The following C1orf21 variants were observed in gnomAD, a reference collection of about 807,000 sequenced individuals.
C1orf21 encodes uncharacterized protein C1orf21.
Under a neutral mutation model 18.7 loss-of-function variants are expected in C1orf21, and 3 were observed. The observed-to-expected ratio is 0.16, with a 90% CI of 0.07 to 0.42. The LOEUF (loss-of-function observed/expected upper bound fraction) is 0.42, where lower values mean the gene tolerates loss of function less well. C1orf21 is among the 10% of genes least tolerant of loss of function. C1orf21 has a pLI of 0.99. For missense variants in C1orf21, 104 were observed against 143.6 expected (o/e 0.72, Z 1.41); for synonymous variants, 41 against 46.4 (o/e 0.88, Z 0.47).
At chr1:184,438,246 A>T (rs894533373) in intron 1 of C1orf21, among the ~76,000 whole-genome samples, 1 of 152,152 alleles carries the variant, frequency 6.6e-6, no homozygotes, top group Non-Finnish European at 1.5e-5. Flanking sequence ...CTCAACTCCA[A>T]ACTCTGTGTT....
chr1:184,499,798 G>A (rs1269146822), intron 2 of C1orf21, among the ~76,000 whole-genome samples: 4 of 152,188 alleles, frequency 2.6e-5, no homozygotes, highest in Non-Finnish European at 5.9e-5. Flanking sequence ...GTAAAAGAGA[G>A]TCATGATACT....
chr1:184,417,359 C>T (rs184155989), intron 1 of C1orf21, among the ~76,000 whole-genome samples: 6 of 152,158 alleles, frequency 3.9e-5, no homozygotes, highest in Admixed American at 3.9e-4. Context: ...CACCCCTCCC[C>T]CAAAGACATC....
chr1:184,590,916 A>C (rs1282069592), intron 4 of C1orf21, 101 bp downstream of exon 4: 1 of 1,168,352 alleles, frequency 8.6e-7, no homozygotes. Context: ...TATTCAAAAA[A>C]TAATAATTCT....
At chr1:184,399,214 G>C (rs910232403) in intron 1 of C1orf21, among the ~76,000 whole-genome samples, 1 of 151,970 alleles carries the variant, frequency 6.6e-6, no homozygotes, top group Non-Finnish European at 1.5e-5. Context: ...CCTGTATCCT[G>C]ACTGCATCTT....
chr1:184,394,497 A>G lies in C1orf21; in HGVS notation c.-125+7129A>G, dbSNP rs535642710. Among the ~76,000 whole-genome samples, 4 of 152,354 alleles carry G rather than the reference A, an allele frequency of 2.6e-5. 1 individual carries two copies. In the Middle Eastern group the frequency reaches 0.014, roughly 518 times the overall value. On this transcript the variant is annotated intron_variant, in intron 1 of 5. Transcript: ENST00000235307. ...GGATGTACTCTCAACAAACCATGAC[A>G]TGCATGCATATCATAGCCATTCCTA...
At chr1:184,576,790 T>C (rs1659197475) in intron 3 of C1orf21, among the ~76,000 whole-genome samples, 1 of 152,194 alleles carries the variant, frequency 6.6e-6, no homozygotes, top group Admixed American at 6.5e-5. Context: ...CTCTTGTGAC[T>C]TTCCTGCTTA....
intron 1 of C1orf21, among the ~76,000 whole-genome samples, chr1:184,414,220 T>G (rs1656410353): frequency 6.6e-6 from 1 of 152,122 alleles, no homozygotes; most frequent in African/African-American, 2.4e-5. Context: ...TGGCCTCGAC[T>G]CCCAGGCTCA....
intron 1 of C1orf21, among the ~76,000 whole-genome samples, chr1:184,423,116 G>A (rs1656572298): frequency 6.6e-6 from 1 of 152,108 alleles, no homozygotes. Context: ...ATGTGTATCG[G>A]GATTTAACAG....
intron 3 of C1orf21, among the ~76,000 whole-genome samples, chr1:184,585,253 C>T (rs955453029): frequency 2.0e-5 from 3 of 152,078 alleles, no homozygotes; most frequent in Non-Finnish European, 4.4e-5. Context: ...TACTAAGAGG[C>T]TATTTGCTTT....
At chr1:184,388,912 T>C (rs1655928840) in intron 1 of C1orf21, among the ~76,000 whole-genome samples, 1 of 152,154 alleles carries the variant, frequency 6.6e-6, no homozygotes. Context: ...CTTTTTCATA[T>C]TGTCTAGAGC....
chr1:184,471,616 A>C (rs781756600), intron 1 of C1orf21, among the ~76,000 whole-genome samples: 1 of 152,144 alleles, frequency 6.6e-6, no homozygotes, highest in Non-Finnish European at 1.5e-5. Context: ...GCCCTCTCCA[A>C]CACTCTTTCC....
intron 3 of C1orf21, among the ~76,000 whole-genome samples, chr1:184,521,964 T>C (rs1658311958): frequency 6.6e-6 from 1 of 152,174 alleles, no homozygotes; most frequent in Admixed American, 6.5e-5. Context: ...ATTTTTACTA[T>C]GGAGGTAATA....
intron 1 of C1orf21, among the ~76,000 whole-genome samples, chr1:184,410,269 A>G (rs1656310922): frequency 6.6e-6 from 1 of 152,100 alleles, no homozygotes; most frequent in Non-Finnish European, 1.5e-5. Context: ...TCTTGACAGG[A>G]TTATGCTGAG....
chr1:184,392,601 A>T (rs1336066744), intron 1 of C1orf21, among the ~76,000 whole-genome samples: 2 of 152,152 alleles, frequency 1.3e-5, no homozygotes, highest in Admixed American at 1.3e-4. Flanking sequence ...TTTAAAAAAA[A>T]TAATAACTGA....
intron 3 of C1orf21, among the ~76,000 whole-genome samples, chr1:184,582,028 T>C (rs1333873435): frequency 6.6e-6 from 1 of 152,266 alleles, no homozygotes. Flanking sequence ...GTATTGATAC[T>C]GGTGGCTTGA....
At chr1:184,414,024 ACAC>A (rs1393793168) in intron 1 of C1orf21, among the ~76,000 whole-genome samples, 1 of 152,232 alleles carries the variant, frequency 6.6e-6, no homozygotes, top group Non-Finnish European at 1.5e-5. Context: ...ATTTATGTAT[ACAC>A]AGAGAGCTTT....
At chr1:184,415,248 G>A (rs1430212000) in intron 1 of C1orf21, among the ~76,000 whole-genome samples, 3 of 152,182 alleles carry the variant, frequency 2.0e-5, no homozygotes, top group Non-Finnish European at 4.4e-5. Context: ...GACCTCTCCT[G>A]TTGGCTTTAC....
intron 3 of C1orf21, among the ~76,000 whole-genome samples, chr1:184,575,611 T>TAAAAAAAAAAAAAAA (rs59167087): frequency 8.4e-5 from 7 of 83,462 alleles, no homozygotes; most frequent in South Asian, 3.9e-4. Context: ...CACAAAAAGG[T>TAAAAAAAAAAAAAAA]AAAAAAAAAA....
chr1:184,539,037 G>A (rs1484229881), intron 3 of C1orf21, among the ~76,000 whole-genome samples: 1 of 152,062 alleles, frequency 6.6e-6, no homozygotes, highest in Non-Finnish European at 1.5e-5. Context: ...GTTCCATGTT[G>A]AATTGAAGTG....
Sources: allele counts gnomAD v4.1 joint callset (sites outside exome capture counted in the v4.1 genomes callset), GRCh38; gene constraint gnomAD v4.1.1; transcripts MANE v1.5; gene names NCBI Gene and HGNC (gene_info 2026-07-23, HGNC 2026-07-21).